The following MAPK10 variants were observed in gnomAD, a reference collection of about 807,000 sequenced individuals.
MAPK10 encodes mitogen-activated protein kinase 10.
A neutral mutation model predicts 59.3 loss-of-function variants in MAPK10; 25 were observed. The ratio of observed to expected loss-of-function variants is 0.42; its 90% CI spans 0.31 to 0.59. The LOEUF (loss-of-function observed/expected upper bound fraction) is 0.59, where lower values mean the gene tolerates loss of function less well. Ranked by LOEUF, MAPK10 falls within the 20% of genes least tolerant of loss-of-function variation. MAPK10 has a pLI of 0.15. For missense variants in MAPK10, 351 were observed against 568.9 expected, an observed-to-expected ratio of 0.62 and a Z score of 3.90; for synonymous variants, 190 against 200.5, an observed-to-expected ratio of 0.95 and a Z score of 0.44.
intron 1 of MAPK10, among the ~76,000 whole-genome samples, chr4:86,505,090 A>C (rs1188253923): frequency 1.3e-5 from 2 of 152,118 alleles, no homozygotes; most frequent in Non-Finnish European, 2.9e-5. Flanking sequence ...CAACCATCAC[A>C]TAATTGTTTT....
chr4:86,569,216 C>A, intron 1 of MAPK10, among the ~76,000 whole-genome samples: 1 of 152,122 alleles, frequency 6.6e-6, no homozygotes, highest in East Asian at 1.9e-4. Flanking sequence ...CATCACCAAT[C>A]ATCAAAGAAA....
At chr4:86,119,050 T>C (rs2058762506) in intron 4 of MAPK10, among the ~76,000 whole-genome samples, 1 of 152,154 alleles carries the variant, frequency 6.6e-6, no homozygotes, top group African/African-American at 2.4e-5. Context: ...AAGTCAACAG[T>C]TGATTTTTTT....
intron 1 of MAPK10, among the ~76,000 whole-genome samples, chr4:86,577,055 G>C (rs1442464849): frequency 6.6e-6 from 1 of 152,148 alleles, no homozygotes; most frequent in African/African-American, 2.4e-5. Context: ...TGTAATCGCA[G>C]CTCTTTGGGA....
intron 4 of MAPK10, among the ~76,000 whole-genome samples, chr4:86,134,661 A>T (rs528756093): frequency 3.2e-4 from 49 of 152,324 alleles, no homozygotes; most frequent in Non-Finnish European, 6.8e-4. Flanking sequence ...ATTCAAATTA[A>T]AGTAAAATTG....
At chr4:86,115,610 C>A (rs748826170) in intron 4 of MAPK10, among the ~76,000 whole-genome samples, 1 of 151,984 alleles carries the variant, frequency 6.6e-6, no homozygotes, top group Admixed American at 6.6e-5. Context: ...TACAGTCATG[C>A]GCCACCACGC....
intron 1 of MAPK10, among the ~76,000 whole-genome samples, chr4:86,539,014 G>A (rs1758467872): frequency 6.6e-6 from 1 of 152,110 alleles, no homozygotes; most frequent in Non-Finnish European, 1.5e-5. Flanking sequence ...AGGCACATCA[G>A]CTTGAGTCTA....
chr4:86,282,869 G>A (rs529104832), intron 2 of MAPK10, among the ~76,000 whole-genome samples: 92 of 152,218 alleles, frequency 6.0e-4, no homozygotes, highest in Admixed American at 3.2e-3. Flanking sequence ...GCTCCGTGAT[G>A]TAATTTCCTG....
Position 86,257,379 on chromosome 4 carries a change from C to T in MAPK10, c.-6-62972G>A, listed in dbSNP as rs941905645. 8.5e-5 allele frequency among the ~76,000 whole-genome samples: 13 copies of T among 152,166 alleles called. No homozygotes were observed. The South Asian group carries it at 2.5e-3, about 29-fold the overall frequency. ...AAAGGATGAATACTGAATCCATGTA[C>T]CATATCCACTCACAGTGAATTCCCT... On this transcript the variant is annotated intron_variant, in intron 2 of 13. Transcript: ENST00000641462.
chr4:86,425,579 G>T (rs1747167655), intron 1 of MAPK10, among the ~76,000 whole-genome samples: 1 of 152,072 alleles, frequency 6.6e-6, no homozygotes, highest in Non-Finnish European at 1.5e-5. Context: ...TTAGCCTATG[G>T]ATTCTCTTCT....
intron 1 of MAPK10, among the ~76,000 whole-genome samples, chr4:86,441,319 C>G (rs1375269883): frequency 6.6e-6 from 1 of 152,154 alleles, no homozygotes; most frequent in Admixed American, 6.6e-5. Context: ...AAAGCCTGCC[C>G]CAGAATTGCT....
intron 1 of MAPK10, chr4:86,542,596 G>GT (rs1565011474): frequency 6.5e-6 from 1 of 154,212 alleles, no homozygotes; most frequent in African/African-American, 2.4e-5. Context: ...CCTGGGCAAC[G>GT]TGAGACTCTC....
chr4:86,052,326 G>A (rs570729770), intron 11 of MAPK10, among the ~76,000 whole-genome samples: 21 of 151,850 alleles, frequency 1.4e-4, no homozygotes, highest in Non-Finnish European at 2.9e-4. Flanking sequence ...CAGCATTTTT[G>A]CAGTCCCCTC....
chr4:86,521,392 C>T (rs1226666213), intron 1 of MAPK10, among the ~76,000 whole-genome samples: 1 of 152,106 alleles, frequency 6.6e-6, no homozygotes, highest in African/African-American at 2.4e-5. Flanking sequence ...TCTTCAGCTA[C>T]CAGGGCAGGT....
intron 13 of MAPK10, 149 bp downstream of exon 13, chr4:86,029,048 A>G (rs1309106027): frequency 2.7e-6 from 2 of 740,746 alleles, no homozygotes; most frequent in African/African-American, 1.7e-5. Context: ...ATCAAAAGAA[A>G]TAAAACTAAA....
chr4:86,206,164 T>C (rs969766528), intron 2 of MAPK10, among the ~76,000 whole-genome samples: 11 of 151,902 alleles, frequency 7.2e-5, no homozygotes, highest in Non-Finnish European at 1.2e-4. Context: ...CATTTAGCAT[T>C]AGATATATCT....
At chr4:86,202,282 C>G (rs1235721567) in intron 2 of MAPK10, among the ~76,000 whole-genome samples, 2 of 151,986 alleles carry the variant, frequency 1.3e-5, no homozygotes, top group African/African-American at 4.8e-5. Flanking sequence ...GTCTTCCAGT[C>G]ACTCTTTGAT....
intron 1 of MAPK10, among the ~76,000 whole-genome samples, chr4:86,427,876 C>T (rs939660167): frequency 6.6e-6 from 1 of 152,122 alleles, no homozygotes; most frequent in African/African-American, 2.4e-5. Flanking sequence ...TACTTTAATT[C>T]GGGCCACACC....
intron 2 of MAPK10, among the ~76,000 whole-genome samples, chr4:86,285,815 G>T (rs2094984257): frequency 6.6e-6 from 1 of 152,178 alleles, no homozygotes; most frequent in Non-Finnish European, 1.5e-5. Flanking sequence ...AGAGGTCTGA[G>T]AACCAGGGAA....
intron 2 of MAPK10, among the ~76,000 whole-genome samples, chr4:86,351,239 C>T (rs1300741477): frequency 6.6e-6 from 1 of 151,706 alleles, no homozygotes; most frequent in East Asian, 1.9e-4. Context: ...TAGTACCTAC[C>T]ACAATATCTG....
Sources: allele counts gnomAD v4.1 joint callset (sites outside exome capture counted in the v4.1 genomes callset), GRCh38; gene constraint gnomAD v4.1.1; transcripts MANE v1.5; gene names NCBI Gene and HGNC (gene_info 2026-07-23, HGNC 2026-07-21).